Variants in CHIC2 observed in about 807,000 individuals in gnomAD.
The protein encoded by CHIC2 is cysteine rich hydrophobic domain 2, also known as cysteine-rich hydrophobic domain-containing protein 2.
CHIC2 carries 14 observed loss-of-function variants against 25.9 expected under a neutral mutation model. The ratio of observed to expected loss-of-function variants is 0.54; its 90% CI spans 0.36 to 0.85. The LOEUF (loss-of-function observed/expected upper bound fraction) is 0.85. Among genes scored for constraint, CHIC2 ranks in the 40% least tolerant of loss-of-function variants. The pLI, the probability that CHIC2 is intolerant of heterozygous loss-of-function variation, is 0.01. For synonymous variants in CHIC2, 70 were observed against 72.0 expected (o/e 0.97, Z 0.14); for missense variants, 146 against 202.0 (o/e 0.72, Z 1.68).
At chr4:54,045,725 T>G (rs1203123909) in intron 3 of CHIC2, among the ~76,000 whole-genome samples, 1 of 151,896 alleles carries the variant, frequency 6.6e-6, no homozygotes, top group Non-Finnish European at 1.5e-5. Context: ...AAGCATTCCC[T>G]TTGAAAACTG....
intron 3 of CHIC2, among the ~76,000 whole-genome samples, chr4:54,046,592 C>A (rs1039825873): frequency 2.0e-5 from 3 of 152,104 alleles, no homozygotes; most frequent in African/African-American, 7.2e-5. Flanking sequence ...AACTGGCTAG[C>A]CATATGTACA....
the CHIC2 span, among the ~76,000 whole-genome samples, chr4:54,072,202 CT>C: frequency 1.3e-5 from 2 of 151,676 alleles, no homozygotes; most frequent in Non-Finnish European, 2.9e-5. Context: ...ATTCGGGAGG[CT>C]GAGGCAGGAG....
intron 1 of CHIC2, among the ~76,000 whole-genome samples, chr4:54,051,627 A>G (rs1717010455): frequency 6.6e-6 from 1 of 152,060 alleles, no homozygotes; most frequent in Non-Finnish European, 1.5e-5. Context: ...ATTTACTTAT[A>G]TATCTTCAGT....
intron 1 of CHIC2, among the ~76,000 whole-genome samples, chr4:54,052,784 C>T (rs1285416796): frequency 6.6e-6 from 1 of 152,178 alleles, no homozygotes; most frequent in African/African-American, 2.4e-5. Flanking sequence ...TAAATTGTTA[C>T]AACCATTTCA....
the CHIC2 span, among the ~76,000 whole-genome samples, chr4:54,077,387 T>G: frequency 6.6e-6 from 1 of 152,194 alleles, no homozygotes; most frequent in Non-Finnish European, 1.5e-5. Context: ...CTTCCAGTCT[T>G]TCTCCTTGCC....
chr4:54,055,695 T>C (rs1348227071), intron 1 of CHIC2, among the ~76,000 whole-genome samples: 2 of 152,192 alleles, frequency 1.3e-5, no homozygotes, highest in Non-Finnish European at 2.9e-5. Context: ...TATTTCCTAA[T>C]GTTGAACTTT....
At chr4:54,026,947 TAC>T (rs566026703) in intron 3 of CHIC2, among the ~76,000 whole-genome samples, 68 of 152,318 alleles carry the variant, frequency 4.5e-4, no homozygotes, top group African/African-American at 1.6e-3. Context: ...CGAACTTTTT[TAC>T]AGATATTATC....
intron 5 of CHIC2, 37 bp downstream of exon 5, chr4:54,013,800 T>TTA: frequency 6.3e-7 from 1 of 1,589,820 alleles, no homozygotes. Flanking sequence ...AAATGATCAT[T>TTA]TAATAGAGAA....
Position 54,064,376 on chromosome 4 carries a change from C to T in CHIC2, c.-76G>A. On this transcript the variant is annotated 5_prime_UTR_variant, in exon 1 of 6. Transcript: ENST00000263921. This position sits in a 1 kb window ranked among gnomAD's most constrained non-coding sequence, Gnocchi z 4.2. ...GCCGGGGTACCGGCGGGCGAGGCGG[C>T]GGAGGCTGAGGGGAGTCGCCGCTGC... 1 of 1,582,496 alleles carries T rather than the reference C, an allele frequency of 6.3e-7. No individual in the cohort carries two copies. Among genetic ancestry groups the T allele is most frequent in the Non-Finnish European group, 8.6e-7 (1 of 1,165,452 alleles).
the CHIC2 span, among the ~76,000 whole-genome samples, chr4:54,071,849 C>G: frequency 6.6e-6 from 1 of 151,670 alleles, no homozygotes; most frequent in Non-Finnish European, 1.5e-5. Context: ...TGTATAAAAT[C>G]ATATTTTCCA....
intron 1 of CHIC2, among the ~76,000 whole-genome samples, chr4:54,055,306 G>A (rs1221292668): frequency 6.6e-6 from 1 of 152,076 alleles, no homozygotes; most frequent in Non-Finnish European, 1.5e-5. Flanking sequence ...GCAGAAGGGA[G>A]ACTGGCAATT....
upstream of CHIC2, chr4:54,065,232 G>C: frequency 1.5e-6 from 1 of 685,944 alleles, no homozygotes; most frequent in Non-Finnish European, 1.8e-6. Context: ...GGCCAGCGAT[G>C]CTGGTATTTT....
the CHIC2 span, among the ~76,000 whole-genome samples, chr4:54,090,231 G>C: frequency 6.6e-6 from 1 of 151,942 alleles, no homozygotes; most frequent in South Asian, 2.1e-4. Context: ...CTATGGCCCA[G>C]GCTGAAGTGC....
At chr4:54,090,792 G>A in the CHIC2 span, among the ~76,000 whole-genome samples, 2 of 152,144 alleles carry the variant, frequency 1.3e-5, no homozygotes, top group South Asian at 4.1e-4. Flanking sequence ...GTGAAAGGGT[G>A]AGGTTGGGTT....
intron 1 of CHIC2, among the ~76,000 whole-genome samples, chr4:54,062,201 T>C (rs1048552264): frequency 6.6e-6 from 1 of 152,112 alleles, no homozygotes; most frequent in Non-Finnish European, 1.5e-5. Context: ...AAGAAGGAAG[T>C]TGCTGAGGAA....
intron 3 of CHIC2, among the ~76,000 whole-genome samples, chr4:54,046,554 T>C (rs574035576): frequency 6.6e-6 from 1 of 152,316 alleles, no homozygotes; most frequent in South Asian, 2.1e-4. Flanking sequence ...GGGGAAAGGA[T>C]TCCCTATTTA....
At chr4:54,035,180 G>C (rs1716346348) in intron 3 of CHIC2, among the ~76,000 whole-genome samples, 1 of 152,110 alleles carries the variant, frequency 6.6e-6, no homozygotes, top group Non-Finnish European at 1.5e-5. Context: ...TGTTCATGAG[G>C]AACATTTTTC....
Position 54,064,286 on chromosome 4 carries a change from G to C in CHIC2, c.15C>G (p.Asp5Glu). 6.2e-7 allele frequency: 1 copy of C among 1,613,158 alleles called. No homozygotes were observed. The highest frequency in any genetic ancestry group is 8.5e-7 in the Non-Finnish European group (1 of 1,179,590). Residue 5 changes from aspartate to glutamate, a missense_variant, in exon 1 of 6, where the codon GAC becomes GAG. Asp to Glu is a conservative substitution (Grantham distance 45). Transcript: ENST00000263921. This position sits in a 1 kb window ranked among gnomAD's most constrained non-coding sequence, Gnocchi z 4.2. ...CGTCCTCCTCTTCCTCATAGATTTC[G>C]TCGAAATCCGCCATCCTGAGCCTCC... MADF[D>E]EIYEEEEDEE... is the part of the protein sequence containing the mutation.
intron 3 of CHIC2, among the ~76,000 whole-genome samples, chr4:54,040,763 A>C (rs1716550807): frequency 6.8e-6 from 1 of 148,140 alleles, no homozygotes; most frequent in Non-Finnish European, 1.5e-5. Context: ...CTGTAATCCC[A>C]GCTACTCAGG....
Sources: allele counts gnomAD v4.1 joint callset (sites outside exome capture counted in the v4.1 genomes callset), GRCh38; gene constraint gnomAD v4.1.1; non-coding constraint Gnocchi (gnomAD v3.1); transcripts MANE v1.5; gene names NCBI Gene and HGNC (gene_info 2026-07-23, HGNC 2026-07-21).